Variants in COL24A1 observed in about 807,000 individuals in gnomAD.
The protein encoded by COL24A1 is collagen type XXIV alpha 1 chain, also known as collagen alpha-1(XXIV) chain.
A neutral mutation model predicts 253.9 loss-of-function variants in COL24A1; 224 were observed. That is an observed-to-expected ratio of 0.88 (90% confidence interval 0.79 to 0.99). COL24A1 has a LOEUF of 0.99. Ranked by LOEUF, COL24A1 falls within the 50% of genes least tolerant of loss-of-function variation. COL24A1 has a pLI of 0.00. For missense variants in COL24A1, 2,131 were observed against 2,068.5 expected, an observed-to-expected ratio of 1.03 and a Z score of -0.59; for synonymous variants, 685 against 673.7, an observed-to-expected ratio of 1.02 and a Z score of -0.26.
At chr1:85,808,859 C>T (rs569523909) in intron 47 of COL24A1, among the ~76,000 whole-genome samples, 1 of 152,294 alleles carries the variant, frequency 6.6e-6, no homozygotes, top group South Asian at 2.1e-4. Context: ...TCAAATCAGT[C>T]TCCCTGAAGG....
At chr1:85,802,620 T>C (rs1671553635) in intron 47 of COL24A1, among the ~76,000 whole-genome samples, 1 of 152,162 alleles carries the variant, frequency 6.6e-6, no homozygotes, top group Non-Finnish European at 1.5e-5. Context: ...TCAAAGTATA[T>C]AATTTGATAA....
chr1:85,956,278 A>G (rs1404663492), intron 24 of COL24A1, among the ~76,000 whole-genome samples: 1 of 152,168 alleles, frequency 6.6e-6, no homozygotes, highest in Non-Finnish European at 1.5e-5. Context: ...TATTTCCTCC[A>G]CTGACTCCAC....
chr1:85,773,127 A>T (rs1400135634), intron 53 of COL24A1, among the ~76,000 whole-genome samples: 1 of 152,154 alleles, frequency 6.6e-6, no homozygotes, highest in Non-Finnish European at 1.5e-5. Context: ...TAAATAGGGA[A>T]TCTTTTCTAC....
intron 24 of COL24A1, among the ~76,000 whole-genome samples, chr1:85,943,879 G>A (rs1330069447): frequency 5.3e-5 from 8 of 152,190 alleles, no homozygotes. Flanking sequence ...CAGACTGGAA[G>A]TATAAATTAT....
At chr1:85,854,151 G>T (rs528786386) in intron 37 of COL24A1, among the ~76,000 whole-genome samples, 1 of 152,150 alleles carries the variant, frequency 6.6e-6, no homozygotes, top group African/African-American at 2.4e-5. Context: ...TGTGGTAAAA[G>T]GTAGGGGTCC....
chr1:86,041,671 G>T (rs1003128621), intron 12 of COL24A1, among the ~76,000 whole-genome samples: 1 of 151,804 alleles, frequency 6.6e-6, no homozygotes, highest in East Asian at 1.9e-4. Context: ...TTTTTAAACA[G>T]GATTCTTCTT....
At chr1:86,017,288 T>C in intron 18 of COL24A1, 84 bp from the exon 19 acceptor site, 1 of 1,144,394 alleles carries the variant, frequency 8.7e-7, no homozygotes, top group Non-Finnish European at 1.2e-6. Flanking sequence ...GGTAAACAAA[T>C]AGCAGTCAGT....
chr1:85,863,735 G>C (rs1302173194), intron 37 of COL24A1, among the ~76,000 whole-genome samples: 1 of 152,070 alleles, frequency 6.6e-6, no homozygotes, highest in East Asian at 1.9e-4. Flanking sequence ...TCAACAAGTG[G>C]GCAAAGTGAA....
chr1:86,017,922 A>C (rs1697148415), intron 18 of COL24A1, among the ~76,000 whole-genome samples: 1 of 152,160 alleles, frequency 6.6e-6, no homozygotes, highest in Non-Finnish European at 1.5e-5. Context: ...TTAAGGATTC[A>C]GTTTCAGTAT....
chr1:85,735,701 C>T (rs1306897283), intron 58 of COL24A1, among the ~76,000 whole-genome samples: 2 of 151,960 alleles, frequency 1.3e-5, no homozygotes, highest in Admixed American at 6.6e-5. Flanking sequence ...ACTGACTGCA[C>T]GTTTCCCAGG....
In COL24A1 at chr1:85,862,529, A is replaced by G. The variant is rs966620226; in HGVS notation, c.3300+5990T>C. The stretch of plus-strand genomic sequence containing the variant: ...ACTTAGCATCCCTCCTGACACAATC[A>G]TCTTGGGAAGTTCTGCATAGCTCCA... On this transcript the variant is annotated intron_variant, in intron 37 of 59. Transcript: ENST00000370571. Among the ~76,000 whole-genome samples the G allele has an allele frequency of 4.6e-5, 7 of 152,148 alleles. No individual in the cohort carries two copies. In the East Asian group the frequency reaches 1.3e-3, roughly 29 times the overall value.
chr1:86,135,418 T>G (rs1221780469), intron 2 of COL24A1, among the ~76,000 whole-genome samples: 1 of 152,178 alleles, frequency 6.6e-6, no homozygotes, highest in Non-Finnish European at 1.5e-5. Context: ...ATTTTGCTCA[T>G]TAGTTTACGA....
At chr1:86,041,149 TG>T (rs1412653706) in intron 12 of COL24A1, among the ~76,000 whole-genome samples, 9 of 152,194 alleles carry the variant, frequency 5.9e-5, no homozygotes, top group Non-Finnish European at 1.3e-4. Flanking sequence ...CTCTGAAGTC[TG>T]GGTGCCTTAA....
chr1:85,990,062 A>G lies in COL24A1; in HGVS notation c.2311-2408T>C, dbSNP rs551208936. The stretch of plus-strand genomic sequence containing the variant: ...CTAGTACAATGCCTGATACACAGTA[A>G]GTGCTTAAAAAATGCTTTGTCGTTG... On this transcript the variant is annotated intron_variant, in intron 19 of 59. Coordinates refer to ENST00000370571, the MANE Select transcript of COL24A1 (RefSeq NM_152890.7). Among the ~76,000 whole-genome samples, 4 of 152,284 alleles carry G rather than the reference A, an allele frequency of 2.6e-5. No homozygotes were observed. The East Asian group carries it at 7.7e-4, about 29-fold the overall frequency.
intron 35 of COL24A1, among the ~76,000 whole-genome samples, chr1:85,872,281 A>G (rs1680609617): frequency 6.6e-6 from 1 of 152,238 alleles, no homozygotes; most frequent in East Asian, 1.9e-4. Flanking sequence ...AAGGTAGTTT[A>G]TAGATTCAAT....
At chr1:85,985,511 G>A (rs1693650010) in intron 20 of COL24A1, among the ~76,000 whole-genome samples, 1 of 151,806 alleles carries the variant, frequency 6.6e-6, no homozygotes, top group South Asian at 2.1e-4. Context: ...AGAGTGACAT[G>A]ATGAGATCTA....
chr1:85,873,605 G>T (rs1680788884), intron 35 of COL24A1, among the ~76,000 whole-genome samples: 4 of 152,100 alleles, frequency 2.6e-5, no homozygotes, highest in Admixed American at 2.0e-4. Flanking sequence ...ACCAAACACT[G>T]CATGTTCTCA....
At chr1:85,972,253 A>G (rs1053427796) in intron 20 of COL24A1, among the ~76,000 whole-genome samples, 1 of 152,198 alleles carries the variant, frequency 6.6e-6, no homozygotes, top group African/African-American at 2.4e-5. Context: ...ATTTTTAAAT[A>G]ACTATACCAA....
At chr1:85,735,308 T>A (rs1663932361) in intron 58 of COL24A1, among the ~76,000 whole-genome samples, 1 of 152,244 alleles carries the variant, frequency 6.6e-6, no homozygotes, top group Non-Finnish European at 1.5e-5. Context: ...GGCTCCAGCA[T>A]ACCATCAGGC....
Sources: gnomAD v4.1 joint callset for allele counts (sites outside exome capture counted in the v4.1 genomes callset) on GRCh38, gnomAD v4.1.1 for gene constraint, MANE v1.5 for transcripts, NCBI Gene and HGNC (gene_info 2026-07-23, HGNC 2026-07-21) for gene names.